The following HMBOX1 variants were observed in gnomAD, a reference collection of about 807,000 sequenced individuals.
HMBOX1 encodes homeobox-containing protein 1.
Under a neutral mutation model 54.5 loss-of-function variants are expected in HMBOX1, and 14 were observed. The observed-to-expected ratio is 0.26, with a 90% CI of 0.17 to 0.40. HMBOX1 has a LOEUF of 0.40. HMBOX1 is among the 10% of genes least tolerant of loss of function. HMBOX1 has a pLI of 1.00. For missense variants in HMBOX1, 332 were observed against 514.4 expected, an observed-to-expected ratio of 0.65 and a Z score of 3.43; for synonymous variants, 160 against 181.0, an observed-to-expected ratio of 0.88 and a Z score of 0.93.
At chr8:28,966,704 G>A (rs925585751) in intron 2 of HMBOX1, among the ~76,000 whole-genome samples, 8 of 152,246 alleles carry the variant, frequency 5.3e-5, no homozygotes, top group Middle Eastern at 3.4e-3. Context: ...TAGACTCAGC[G>A]TTTTCTCAGT....
intron 6 of HMBOX1, among the ~76,000 whole-genome samples, chr8:29,020,524 C>T (rs1046021630): frequency 2.6e-5 from 4 of 152,092 alleles, no homozygotes; most frequent in Admixed American, 6.5e-5. Flanking sequence ...CCTATGACTC[C>T]TATTTAGTCT....
At chr8:28,913,126 T>C (rs1449886132) in intron 1 of HMBOX1, among the ~76,000 whole-genome samples, 1 of 152,174 alleles carries the variant, frequency 6.6e-6, no homozygotes, top group Admixed American at 6.6e-5. Flanking sequence ...GAATGGTTAC[T>C]GTAAAATCTC....
At chr8:28,913,474 A>G (rs1281506550) in intron 1 of HMBOX1, among the ~76,000 whole-genome samples, 2 of 152,072 alleles carry the variant, frequency 1.3e-5, no homozygotes, top group South Asian at 2.1e-4. Context: ...CAACCCGGCA[A>G]TGTCCATTAG....
rs565080352 is a variant in HMBOX1, at chr8:28,956,578, T to C, written c.-57-7233T>C. On this transcript the variant is annotated intron_variant, in intron 1 of 9. Coordinates refer to ENST00000287701, the MANE Select transcript of HMBOX1 (RefSeq NM_001135726.3). ...ATAATTTTAAAAAATATGTATTCTT[T>C]CCTGCTGAATTAAAATGTAACCTTT... Among the ~76,000 whole-genome samples, 15 of 152,316 alleles carry C rather than the reference T, an allele frequency of 9.8e-5. No individual in the cohort carries two copies. In the South Asian group the frequency reaches 2.3e-3, roughly 23 times the overall value.
intron 6 of HMBOX1, among the ~76,000 whole-genome samples, chr8:29,026,006 G>A (rs1336272542): frequency 6.6e-6 from 1 of 150,836 alleles, no homozygotes; most frequent in Non-Finnish European, 1.5e-5. Flanking sequence ...CAAGCAATCA[G>A]AGGAGACTGT....
At chr8:29,045,497 G>C in intron 7 of HMBOX1, 54 bp downstream of exon 7, 1 of 1,418,248 alleles carries the variant, frequency 7.1e-7, no homozygotes, top group Non-Finnish European at 1.0e-6. Context: ...CTTGGTTACA[G>C]GTTGGCATCT....
rs192755807 is a variant in HMBOX1 at position 28,978,286 on chromosome 8, T to C, written c.501-1785T>C. 4.5e-3 allele frequency among the ~76,000 whole-genome samples: 691 copies of C among 152,288 alleles called. 2 individuals carry two copies. The highest frequency in any genetic ancestry group is 5.8e-3 in the Non-Finnish European group (396 of 68,016). ...TCCAAGTTAAATCACAACTCATTGT[T>C]TTTGAATAGGATACTTCAGTTTCTC... On this transcript the variant is annotated intron_variant, in intron 3 of 9. Coordinates refer to ENST00000287701, the MANE Select transcript of HMBOX1 (RefSeq NM_001135726.3).
At position 29,051,920 on chromosome 8, in the gene HMBOX1, C is replaced by T. The variant is rs1490705882; in HGVS notation, c.*765C>T. The T allele has an allele frequency of 1.4e-5, 3 of 221,994 alleles. No homozygotes were observed. Among genetic ancestry groups the T allele is most frequent in the African/African-American group, 7.3e-5 (3 of 40,906 alleles). 13.8% of individuals were successfully genotyped at this position (221,994 alleles called of 1,614,324 possible). On this transcript the variant is annotated 3_prime_UTR_variant, in exon 10 of 10. Coordinates refer to ENST00000287701, the MANE Select transcript of HMBOX1 (RefSeq NM_001135726.3). ...CATTAAAAAAAAAAAAAAAAAAAAC[C>T]CAGCTTGAGAGCATTGGAAAAAAAA...
At chr8:28,958,893 G>A (rs1170576147) in intron 1 of HMBOX1, among the ~76,000 whole-genome samples, 1 of 151,876 alleles carries the variant, frequency 6.6e-6, no homozygotes, top group Non-Finnish European at 1.5e-5. Context: ...GCCTTAAATT[G>A]GTTGATATAT....
chr8:28,929,594 A>G (rs1459121135), intron 1 of HMBOX1, among the ~76,000 whole-genome samples: 11 of 152,150 alleles, frequency 7.2e-5, no homozygotes, highest in Admixed American at 7.2e-4. Flanking sequence ...CTTGGAGGTT[A>G]TTTCTCTTTA....
chr8:28,981,898 G>C (rs1829396839), intron 4 of HMBOX1, among the ~76,000 whole-genome samples: 1 of 152,112 alleles, frequency 6.6e-6, no homozygotes, highest in African/African-American at 2.4e-5. Flanking sequence ...ATAGTACATG[G>C]AACAGCATTA....
intron 1 of HMBOX1, among the ~76,000 whole-genome samples, chr8:28,902,380 T>C (rs1380321984): frequency 6.6e-6 from 1 of 152,150 alleles, no homozygotes; most frequent in Non-Finnish European, 1.5e-5. Flanking sequence ...CTCCCACTTA[T>C]TTAGCCAACA....
chr8:29,040,629 A>AT (rs1804679184), intron 6 of HMBOX1, among the ~76,000 whole-genome samples: 2 of 152,140 alleles, frequency 1.3e-5, no homozygotes, highest in African/African-American at 4.8e-5. Context: ...GACAATTCAT[A>AT]TTTTTTAATA....
intron 1 of HMBOX1, among the ~76,000 whole-genome samples, chr8:28,918,618 G>A (rs2131752497): frequency 6.6e-6 from 1 of 152,286 alleles, no homozygotes; most frequent in Non-Finnish European, 1.5e-5. Flanking sequence ...AACCTCTATA[G>A]GGTCTCTAAT....
intron 1 of HMBOX1, among the ~76,000 whole-genome samples, chr8:28,905,066 C>G (rs1227687609): frequency 1.3e-5 from 2 of 152,152 alleles, no homozygotes; most frequent in Non-Finnish European, 2.9e-5. Context: ...AATAAACCAG[C>G]TTACTCTTGG....
intron 1 of HMBOX1, among the ~76,000 whole-genome samples, chr8:28,952,849 A>G (rs1823730975): frequency 6.6e-6 from 1 of 152,256 alleles, no homozygotes; most frequent in Admixed American, 6.5e-5. Flanking sequence ...AACTTTAATC[A>G]CAAATCATAA....
intron 1 of HMBOX1, among the ~76,000 whole-genome samples, chr8:28,894,755 T>G (rs1811752225): frequency 6.6e-6 from 1 of 152,146 alleles, no homozygotes; most frequent in South Asian, 2.1e-4. Context: ...AAGTTGGAAA[T>G]TTACTATAAC....
At chr8:29,049,121 G>A (rs912738358) in intron 9 of HMBOX1, 73 bp downstream of exon 9, 1 of 1,507,854 alleles carries the variant, frequency 6.6e-7, no homozygotes, top group African/African-American at 1.4e-5. Context: ...TTAGTTCCTT[G>A]GGTGTGGCTG....
At position 29,053,163 on chromosome 8, in the gene HMBOX1, T is replaced by C. The variant is rs900557544; in HGVS notation, c.*2008T>C. On this transcript the variant is annotated 3_prime_UTR_variant, in exon 10 of 10. Coordinates refer to ENST00000287701, the MANE Select transcript of HMBOX1 (RefSeq NM_001135726.3). ...GAGAGGGCATGAAAGTGCCACCTTATATATGTCTGTGACTTTAAAGAGCTA... is the reference window on the plus strand; with the variant it reads ...GAGAGGGCATGAAAGTGCCACCTTACATATGTCTGTGACTTTAAAGAGCTA... 8 of 152,302 alleles carry C rather than the reference T, an allele frequency of 5.3e-5. No individual in the cohort carries two copies. Among genetic ancestry groups the C allele is most frequent in the Admixed American group, 5.2e-4 (8 of 15,280 alleles). The allele number at this position is 152,302 out of a possible 1,614,324, so 9.4% of individuals were successfully genotyped here. A position where few individuals can be genotyped will look rare whatever the true frequency, so the allele number is the denominator to read the frequency against.
Sources: gnomAD v4.1 joint callset for allele counts (sites outside exome capture counted in the v4.1 genomes callset) on GRCh38, gnomAD v4.1.1 for gene constraint, MANE v1.5 for transcripts, NCBI Gene and HGNC (gene_info 2026-07-23, HGNC 2026-07-21) for gene names.